Variants in SDK1 observed in about 807,000 individuals in gnomAD.
SDK1 encodes sidekick cell adhesion molecule 1, also known as protein sidekick-1.
A neutral mutation model predicts 245.5 loss-of-function variants in SDK1; 157 were observed. That is an observed-to-expected ratio of 0.64 (90% CI 0.56 to 0.73). The LOEUF is 0.73. Among genes scored for constraint, SDK1 ranks in the 30% least tolerant of loss-of-function variants. The pLI is 0.00. For synonymous variants in SDK1, 1,647 were observed against 1,278.5 expected (o/e 1.29, Z -6.15); for missense variants, 3,583 against 3,002.3 (o/e 1.19, Z -4.52).
At chr7:3,782,920 G>A (rs1357009582) in intron 4 of SDK1, among the ~76,000 whole-genome samples, 1 of 152,112 alleles carries the variant, frequency 6.6e-6, no homozygotes, top group Non-Finnish European at 1.5e-5. Context: ...AACATTATAA[G>A]AAAGAGAGTT....
intron 4 of SDK1, among the ~76,000 whole-genome samples, chr7:3,740,664 GA>G (rs1458769117): frequency 2.6e-5 from 4 of 152,142 alleles, no homozygotes; most frequent in African/African-American, 7.2e-5. Context: ...GGGTCCTGTG[GA>G]ACTAGTGGAA....
rs184340527 is a variant in SDK1 at position 3,438,384 on chromosome 7, C to A, written c.298+136500C>A. On this transcript the variant is annotated intron_variant, in intron 1 of 44. Coordinates refer to ENST00000404826, the MANE Select transcript of SDK1 (RefSeq NM_152744.4). ...TGCTGTGTATTCGAAATAATTTCTT[C>A]TTTACAATGATGTATTCTAGATTCT... Among the ~76,000 whole-genome samples the A allele has an allele frequency of 1.5e-4, 23 of 152,266 alleles. No individual in the cohort carries two copies. In the East Asian group the frequency reaches 4.4e-3, roughly 29 times the overall value.
At chr7:3,676,436 C>A (rs1384626124) in intron 4 of SDK1, among the ~76,000 whole-genome samples, 1 of 151,904 alleles carries the variant, frequency 6.6e-6, no homozygotes, top group Admixed American at 6.6e-5. Flanking sequence ...CACCATTCTC[C>A]TGCCTCAGCT....
chr7:4,255,066 T>C lies in SDK1; in HGVS notation c.6381+9261T>C, dbSNP rs143826301. On this transcript the variant is annotated intron_variant, in intron 44 of 44. Coordinates refer to ENST00000404826, the MANE Select transcript of SDK1 (RefSeq NM_152744.4). Reference sequence around the variant, plus strand: ...CAGTTGAAGTCCAGCCTTTCTGCAGTTGCCAGATGCTGTCAGTCTTTGAAG... The same window carrying C: ...CAGTTGAAGTCCAGCCTTTCTGCAGCTGCCAGATGCTGTCAGTCTTTGAAG... Among the ~76,000 whole-genome samples, 711 of 152,358 alleles carry C rather than the reference T, an allele frequency of 4.7e-3. 6 individuals carry two copies. The highest frequency in any genetic ancestry group is 0.016 in the African/African-American group (657 of 41,588).
intron 1 of SDK1, among the ~76,000 whole-genome samples, chr7:3,314,263 T>G (rs537132128): frequency 6.6e-6 from 1 of 151,880 alleles, no homozygotes; most frequent in East Asian, 1.9e-4. Context: ...TCAACAGGAG[T>G]GAGGAACCCA....
intron 1 of SDK1, among the ~76,000 whole-genome samples, chr7:3,609,593 G>A (rs1351992078): frequency 6.6e-6 from 1 of 152,042 alleles, no homozygotes; most frequent in Non-Finnish European, 1.5e-5. Flanking sequence ...GTAGAGATGG[G>A]GTTTCACTGT....
chr7:3,597,422 A>C (rs1275999906), intron 1 of SDK1, among the ~76,000 whole-genome samples: 1 of 152,134 alleles, frequency 6.6e-6, no homozygotes. Flanking sequence ...GAAACCTCAA[A>C]TCCCACTGGG....
intron 1 of SDK1, among the ~76,000 whole-genome samples, chr7:3,569,491 C>T (rs1033996808): frequency 6.6e-6 from 1 of 152,192 alleles, no homozygotes; most frequent in Non-Finnish European, 1.5e-5. Context: ...TGAATGAGCC[C>T]GAGGCTCTGC....
At chr7:3,694,001 C>G (rs1282629192) in intron 4 of SDK1, among the ~76,000 whole-genome samples, 2 of 152,178 alleles carry the variant, frequency 1.3e-5, no homozygotes, top group Non-Finnish European at 2.9e-5. Flanking sequence ...GACTCTTCCT[C>G]CAGACCTTTG....
chr7:4,175,595 C>T (rs1383807412), intron 33 of SDK1, among the ~76,000 whole-genome samples, 180 bp from the exon 34 acceptor site: 1 of 152,252 alleles, frequency 6.6e-6, no homozygotes, highest in East Asian at 1.9e-4. Context: ...GCAGCCCCCG[C>T]AACTGGGAGC....
At chr7:3,435,988 T>C (rs1780010493) in intron 1 of SDK1, among the ~76,000 whole-genome samples, 1 of 152,208 alleles carries the variant, frequency 6.6e-6, no homozygotes. Flanking sequence ...TTTGGAGAGG[T>C]TTAAATTCTG....
intron 1 of SDK1, among the ~76,000 whole-genome samples, chr7:3,347,261 A>C (rs142691834): frequency 4.5e-4 from 68 of 152,110 alleles, no homozygotes; most frequent in African/African-American, 1.6e-3. Flanking sequence ...TAGTACTCTG[A>C]CAACACTTGG....
At chr7:4,075,050 G>A (rs1162445830) in intron 20 of SDK1, among the ~76,000 whole-genome samples, 1 of 151,112 alleles carries the variant, frequency 6.6e-6, no homozygotes, top group Admixed American at 6.6e-5. Context: ...GCAGCCAGGC[G>A]CCTTTGATGA....
At chr7:3,343,230 G>C (rs1341861330) in intron 1 of SDK1, among the ~76,000 whole-genome samples, 7 of 151,932 alleles carry the variant, frequency 4.6e-5, no homozygotes, top group African/African-American at 1.7e-4. Flanking sequence ...GCTTAGAGAA[G>C]CTTTATTTAT....
At chr7:4,008,726 A>C (rs1248232209) in intron 14 of SDK1, among the ~76,000 whole-genome samples, 9 of 152,082 alleles carry the variant, frequency 5.9e-5, no homozygotes, top group Admixed American at 5.9e-4. Context: ...AAAAAAAGGG[A>C]AAGGGCAGCA....
At chr7:3,638,435 C>T (rs1162074481) in intron 2 of SDK1, among the ~76,000 whole-genome samples, 5 of 151,700 alleles carry the variant, frequency 3.3e-5, no homozygotes, top group Admixed American at 2.6e-4. Context: ...ACATATACAC[C>T]ATGGAATACT....
chr7:3,503,262 A>G (rs762859508), intron 1 of SDK1, among the ~76,000 whole-genome samples: 2 of 152,246 alleles, frequency 1.3e-5, no homozygotes, highest in South Asian at 4.1e-4. Context: ...GAATCTCAGC[A>G]TCCCTATTTG....
intron 4 of SDK1, among the ~76,000 whole-genome samples, chr7:3,754,554 C>A (rs1435575209): frequency 6.6e-6 from 1 of 152,152 alleles, no homozygotes; most frequent in African/African-American, 2.4e-5. Flanking sequence ...ATTCTCCTTT[C>A]CTCAGTATCC....
At chr7:3,983,094 A>T (rs1783544175) in intron 13 of SDK1, among the ~76,000 whole-genome samples, 1 of 152,176 alleles carries the variant, frequency 6.6e-6, no homozygotes, top group Non-Finnish European at 1.5e-5. Flanking sequence ...CTTATAGATG[A>T]GCAAAGCAAG....
Sources: allele counts gnomAD v4.1 joint callset (sites outside exome capture counted in the v4.1 genomes callset), GRCh38; gene constraint gnomAD v4.1.1; transcripts MANE v1.5; gene names NCBI Gene and HGNC (gene_info 2026-07-23, HGNC 2026-07-21).